RALGPS1: variants seen among roughly 807,000 people sequenced by gnomAD.
The protein encoded by RALGPS1 is ras-specific guanine nucleotide-releasing factor RalGPS1.
A neutral mutation model predicts 78.8 loss-of-function variants in RALGPS1; 19 were observed. The observed-to-expected ratio is 0.24, with a 90% confidence interval of 0.17 to 0.35. The LOEUF (loss-of-function observed/expected upper bound fraction) is 0.35, where lower values mean the gene tolerates loss of function less well. Ranked by LOEUF, RALGPS1 falls within the 10% of genes least tolerant of loss-of-function variation. RALGPS1 has a pLI of 1.00. For synonymous variants in RALGPS1, 228 were observed against 256.3 expected, an observed-to-expected ratio of 0.89 and a Z score of 1.06; for missense variants, 454 against 688.3, an observed-to-expected ratio of 0.66 and a Z score of 3.81.
At chr9:126,974,601 G>T (rs1489990906) in intron 3 of RALGPS1, among the ~76,000 whole-genome samples, 10 of 152,096 alleles carry the variant, frequency 6.6e-5, no homozygotes, top group Admixed American at 1.3e-4. Flanking sequence ...GAGGGCCCTG[G>T]ACTAGGAGGA....
intron 8 of RALGPS1, among the ~76,000 whole-genome samples, chr9:127,075,166 C>T (rs1307136330): frequency 2.0e-5 from 3 of 152,234 alleles, no homozygotes; most frequent in Non-Finnish European, 4.4e-5. Context: ...AGGCCTCCAT[C>T]CTCCTGCATT....
intron 1 of RALGPS1, among the ~76,000 whole-genome samples, chr9:126,923,434 A>G (rs553887018): frequency 6.6e-6 from 1 of 152,202 alleles, no homozygotes; most frequent in African/African-American, 2.4e-5. Context: ...AGGTGAGATA[A>G]GGTGACAGGG....
chr9:127,023,857 A>C (rs924129819), intron 4 of RALGPS1, among the ~76,000 whole-genome samples: 1 of 152,116 alleles, frequency 6.6e-6, no homozygotes, highest in Non-Finnish European at 1.5e-5. Flanking sequence ...CCAACATGGC[A>C]AAACCCTGTC....
At chr9:127,137,726 G>A (rs991376141) in intron 8 of RALGPS1, among the ~76,000 whole-genome samples, 1 of 152,168 alleles carries the variant, frequency 6.6e-6, no homozygotes, top group Admixed American at 6.5e-5. Flanking sequence ...AGCCTGTGCT[G>A]GGCACTGGGG....
intron 8 of RALGPS1, among the ~76,000 whole-genome samples, chr9:127,114,988 C>T (rs1288269881): frequency 6.6e-6 from 1 of 152,092 alleles, no homozygotes; most frequent in Non-Finnish European, 1.5e-5. Context: ...GTTGGTAATC[C>T]AAGATGTGGG....
chr9:126,966,050 A>G (rs2039455891), intron 3 of RALGPS1, 99 bp downstream of exon 3: 2 of 837,920 alleles, frequency 2.4e-6, no homozygotes, highest in African/African-American at 3.3e-5. Context: ...AACATTCTAT[A>G]TGCCCAGCAA....
intron 8 of RALGPS1, among the ~76,000 whole-genome samples, chr9:127,104,504 G>A (rs2054032901): frequency 6.6e-6 from 1 of 152,248 alleles, no homozygotes; most frequent in Admixed American, 6.5e-5. Context: ...CCTCATCACA[G>A]AATCATCCTA....
At chr9:127,056,407 G>A (rs2048752573) in intron 7 of RALGPS1, among the ~76,000 whole-genome samples, 1 of 152,270 alleles carries the variant, frequency 6.6e-6, no homozygotes, top group Middle Eastern at 3.4e-3. Flanking sequence ...TACAGCATGA[G>A]GTCTCCAAGG....
intron 2 of RALGPS1, among the ~76,000 whole-genome samples, chr9:126,965,561 A>G (rs1297310679): frequency 6.6e-6 from 1 of 152,188 alleles, no homozygotes; most frequent in East Asian, 1.9e-4. Context: ...TTTCCCTTTC[A>G]TAGCTGAGAT....
rs1264467075 is a variant in RALGPS1, at chr9:127,212,591, C to T, written c.1354-36C>T. On this transcript the variant is annotated intron_variant, in intron 15 of 18. Transcript: ENST00000259351. This position sits in a 1 kb window ranked among gnomAD's most constrained non-coding sequence, Gnocchi z 6.0. ...CCAGGGATCCTCTACCCCCACGACC[C>T]CTGGTGGCATCACTCAGCCTCCCCT... The T allele has an allele frequency of 6.7e-7, 1 of 1,485,796 alleles. No individual in the cohort carries two copies. The allele number at this position is 1,485,796 out of a possible 1,614,324, so 92.0% of individuals were successfully genotyped here.
intron 8 of RALGPS1, chr9:127,079,939 T>C (rs1285100753): frequency 6.6e-6 from 1 of 152,238 alleles, no homozygotes; most frequent in African/African-American, 2.4e-5. Flanking sequence ...TTTATTACTT[T>C]GTTGACCAAT....
At position 127,093,766 on chromosome 9, in the gene RALGPS1, A is replaced by G. The variant is rs777117299; in HGVS notation, c.610+24410A>G. 5 of 1,613,954 alleles carry G rather than the reference A, an allele frequency of 3.1e-6. No homozygotes were observed. In the Admixed American group the frequency reaches 6.7e-5, roughly 22 times the overall value. ...TCTCCCAGTTCCTGAAGAAGTTAAC[A>G]GAGCCATCCAGGCGTCTCTGGATGA... On this transcript the variant is annotated intron_variant, in intron 8 of 18. Coordinates refer to ENST00000259351, the MANE Select transcript of RALGPS1 (RefSeq NM_014636.3).
intron 8 of RALGPS1, among the ~76,000 whole-genome samples, chr9:127,146,921 T>C (rs2058129055): frequency 6.6e-6 from 1 of 152,260 alleles, no homozygotes; most frequent in East Asian, 1.9e-4. Flanking sequence ...GGTTGAATAG[T>C]AGCTCTATTT....
At chr9:127,188,849 A>AT (rs992513204) in intron 11 of RALGPS1, among the ~76,000 whole-genome samples, 1 of 149,354 alleles carries the variant, frequency 6.7e-6, no homozygotes, top group Non-Finnish European at 1.5e-5. Flanking sequence ...AAAAAAAAAA[A>AT]TGTAGCCAGG....
chr9:127,191,843 A>G (rs546172192), intron 11 of RALGPS1, among the ~76,000 whole-genome samples: 95 of 151,350 alleles, frequency 6.3e-4, no homozygotes, highest in Admixed American at 1.7e-3. Context: ...GACTACAGGC[A>G]CCTGCCACCA....
chr9:127,120,027 C>A (rs1219645018), intron 8 of RALGPS1, among the ~76,000 whole-genome samples: 1 of 152,224 alleles, frequency 6.6e-6, no homozygotes, highest in Non-Finnish European at 1.5e-5. Context: ...GGCCACAGCA[C>A]AGAAGCTCCT....
At chr9:126,927,819 G>A (rs2035439063) in intron 1 of RALGPS1, among the ~76,000 whole-genome samples, 1 of 152,166 alleles carries the variant, frequency 6.6e-6, no homozygotes, top group Non-Finnish European at 1.5e-5. Flanking sequence ...TCCTAGGAAA[G>A]GCAGCTGATC....
chr9:127,218,669 C>T lies in RALGPS1; in HGVS notation c.1645-71C>T. 1.3e-6 allele frequency: 2 copies of T among 1,517,682 alleles called. No individual in the cohort carries two copies. Among genetic ancestry groups the T allele is most frequent in the Non-Finnish European group, 1.8e-6 (2 of 1,092,282 alleles). 94.0% of individuals were successfully genotyped at this position (1,517,682 alleles called of 1,614,324 possible). A position where few individuals can be genotyped will look rare whatever the true frequency, so the allele number is the denominator to read the frequency against. ...TCACGGGGAAAGGCCTGTCCCTTCC[C>T]CTAGGGACCACCACCCCTTGTCCTT... On this transcript the variant is annotated intron_variant, in intron 18 of 18. Coordinates refer to ENST00000259351, the MANE Select transcript of RALGPS1 (RefSeq NM_014636.3). This position sits in a 1 kb window ranked among gnomAD's most constrained non-coding sequence, Gnocchi z 4.4.
intron 1 of RALGPS1, among the ~76,000 whole-genome samples, chr9:126,931,474 G>A (rs928635615): frequency 2.0e-5 from 3 of 152,294 alleles, no homozygotes; most frequent in Non-Finnish European, 4.4e-5. Flanking sequence ...TGCCTAATAT[G>A]GATAAACCTT....
Sources: allele counts gnomAD v4.1 joint callset (sites outside exome capture counted in the v4.1 genomes callset), GRCh38; gene constraint gnomAD v4.1.1; non-coding constraint Gnocchi (gnomAD v3.1); transcripts MANE v1.5; gene names NCBI Gene and HGNC (gene_info 2026-07-23, HGNC 2026-07-21).